Variants in RTN4IP1 observed in about 807,000 individuals in gnomAD.
RTN4IP1 encodes NAD(P)H oxidoreductase RTN4IP1, mitochondrial.
A neutral mutation model predicts 46.6 loss-of-function variants in RTN4IP1; 32 were observed. That is an observed-to-expected ratio of 0.69 (90% CI 0.52 to 0.92). The LOEUF (loss-of-function observed/expected upper bound fraction) is 0.92. RTN4IP1 is among the 40% of genes least tolerant of loss of function. The probability of loss-of-function intolerance (pLI) is 0.00; values close to 1 mark genes in which losing one functional copy is unlikely to be tolerated. For missense variants in RTN4IP1, 424 were observed against 485.8 expected (o/e 0.87, Z 1.20); for synonymous variants, 167 against 161.8 (o/e 1.03, Z -0.24).
chr6:106,581,104 A>T (rs1429331920), intron 8 of RTN4IP1, among the ~76,000 whole-genome samples: 1 of 152,192 alleles, frequency 6.6e-6, no homozygotes, highest in Non-Finnish European at 1.5e-5. Flanking sequence ...AATACCCAAG[A>T]AACTAGTAAT....
chr6:106,587,017 T>C (rs1011744049), intron 7 of RTN4IP1, among the ~76,000 whole-genome samples: 6 of 152,206 alleles, frequency 3.9e-5, no homozygotes, highest in Non-Finnish European at 8.8e-5. Context: ...ATGCCATTAA[T>C]AGCTGGAGTT....
chr6:106,606,580 T>C (rs959262637), intron 4 of RTN4IP1, among the ~76,000 whole-genome samples: 3 of 152,018 alleles, frequency 2.0e-5, no homozygotes, highest in Non-Finnish European at 2.9e-5. Context: ...AGGTGAAAGA[T>C]TTATATAATG....
In RTN4IP1 at chr6:106,619,269, C is replaced by A. The variant is rs777814672; in HGVS notation, c.553G>T (p.Ala185Ser). 1 of 1,614,126 alleles carries A rather than the reference C, an allele frequency of 6.2e-7. No individual in the cohort carries two copies. Among genetic ancestry groups the A allele is most frequent in the South Asian group, 1.1e-5 (1 of 91,068 alleles). ...HTQAASLPYV[A>S]LTAWSAINKV... Reference sequence around the variant, plus strand: ...TTTATAGCAGACCAGGCTGTGAGAGCCACATATGGCAAAGAGGCAGCTTGA... The same window carrying A: ...TTTATAGCAGACCAGGCTGTGAGAGACACATATGGCAAAGAGGCAGCTTGA... The change falls in exon 4 of 9, where the codon GCT becomes TCT. Residue 185 changes from alanine (A) to serine (S), a missense_variant. Physicochemically the swap from Ala to Ser is moderately conservative, Grantham distance 99. Transcript: ENST00000369063.
intron 4 of RTN4IP1, among the ~76,000 whole-genome samples, chr6:106,617,343 A>T (rs1203042045): frequency 6.6e-6 from 1 of 152,242 alleles, no homozygotes; most frequent in Non-Finnish European, 1.5e-5. Flanking sequence ...GACTCTTTGC[A>T]ATGGGTTTCA....
At chr6:106,614,369 T>C (rs190163242) in intron 4 of RTN4IP1, among the ~76,000 whole-genome samples, 45 of 152,278 alleles carry the variant, frequency 3.0e-4, no homozygotes, top group Middle Eastern at 3.4e-3. Context: ...GGGGTGGTAG[T>C]TGGTAAGTGT....
chr6:106,572,856 G>A (rs1775110791), intron 8 of RTN4IP1, among the ~76,000 whole-genome samples: 1 of 152,156 alleles, frequency 6.6e-6, no homozygotes, highest in African/African-American at 2.4e-5. Flanking sequence ...TTGTGGGATA[G>A]GGGACTAAGC....
At chr6:106,621,369 A>G (rs761056855) in intron 3 of RTN4IP1, 56 bp downstream of exon 3, 7 of 1,264,426 alleles carry the variant, frequency 5.5e-6, no homozygotes, top group Non-Finnish European at 7.0e-6. Context: ...TATTTCAGAT[A>G]TTTGCCAGTC....
chr6:106,630,008 A>T (rs928654050), upstream of RTN4IP1, among the ~76,000 whole-genome samples: 1 of 152,100 alleles, frequency 6.6e-6, no homozygotes, highest in Admixed American at 6.5e-5. Context: ...GCTTTGCCAA[A>T]GGGGGCTTGC....
intron 4 of RTN4IP1, among the ~76,000 whole-genome samples, chr6:106,616,138 C>T (rs191537793): frequency 5.9e-5 from 9 of 152,250 alleles, no homozygotes; most frequent in Admixed American, 3.3e-4. Context: ...AGGATAGTCT[C>T]GATCTCCTGA....
intron 4 of RTN4IP1, among the ~76,000 whole-genome samples, chr6:106,615,527 T>G (rs973738668): frequency 3.0e-4 from 46 of 152,106 alleles, no homozygotes; most frequent in Admixed American, 2.9e-3. Flanking sequence ...CAGGATGGAG[T>G]GCAGTGGCAT....
In RTN4IP1 at chr6:106,584,839, G is replaced by A. The variant is rs561501381; in HGVS notation, c.991-1419C>T. 3.3e-5 allele frequency among the ~76,000 whole-genome samples: 5 copies of A among 152,364 alleles called. No homozygotes were observed. In the East Asian group the frequency reaches 9.6e-4, roughly 29 times the overall value. On this transcript the variant is annotated intron_variant, in intron 7 of 8. Transcript: ENST00000369063. The stretch of plus-strand genomic sequence containing the variant: ...GCTTCCCACTGGGTGTGCCAGGATG[G>A]CTTACTGGGTGAGTGACCCTATAGA...
rs112595257 is a variant in RTN4IP1 at position 106,602,826 on chromosome 6, T to G, written c.669+48A>C. 7.0e-4 allele frequency: 914 copies of G among 1,299,082 alleles called. 7 individuals are homozygous for G. In the African/African-American group the frequency reaches 0.011, roughly 16 times the overall value. The allele number at this position is 1,299,082 out of a possible 1,614,324, so 80.5% of individuals were successfully genotyped here. On this transcript the variant is annotated intron_variant, in intron 5 of 8. Coordinates refer to ENST00000369063, the MANE Select transcript of RTN4IP1 (RefSeq NM_032730.5). ...AAATAATGTATCTTAATTTATAAAT[T>G]CATGCAAACAAAATCCTCCTATTCA...
chr6:106,584,913 A>G (rs1775448540), intron 7 of RTN4IP1, among the ~76,000 whole-genome samples: 1 of 152,270 alleles, frequency 6.6e-6, no homozygotes, highest in Non-Finnish European at 1.5e-5. Flanking sequence ...TTCATCATTA[A>G]TAATTACCCT....
At chr6:106,577,892 A>G (rs1775269385) in intron 8 of RTN4IP1, among the ~76,000 whole-genome samples, 3 of 152,186 alleles carry the variant, frequency 2.0e-5, no homozygotes, top group Non-Finnish European at 4.4e-5. Context: ...TGCTTCCAGG[A>G]GGAATGCAGC....
rs537019247 is a variant in RTN4IP1, at chr6:106,603,572, G to A, written c.621-650C>T. Among the ~76,000 whole-genome samples, 259 of 152,230 alleles carry A rather than the reference G, an allele frequency of 1.7e-3. 1 individual carries two copies. Among genetic ancestry groups the A allele is most frequent in the African/African-American group, 6.0e-3 (248 of 41,528 alleles). On this transcript the variant is annotated intron_variant, in intron 4 of 8. Coordinates refer to ENST00000369063, the MANE Select transcript of RTN4IP1 (RefSeq NM_032730.5). ...AGGGTGGGGCGGGACAAGGGTGAAGGGGTGAGGGGTAGGGTAAGGGATTAT... is the reference window on the plus strand; with the variant it reads ...AGGGTGGGGCGGGACAAGGGTGAAGAGGTGAGGGGTAGGGTAAGGGATTAT...
intron 4 of RTN4IP1, among the ~76,000 whole-genome samples, chr6:106,614,387 C>G (rs1234931826): frequency 6.6e-6 from 1 of 152,124 alleles, no homozygotes; most frequent in Non-Finnish European, 1.5e-5. Flanking sequence ...TGTTGTTTTG[C>G]TCAAGTTGAG....
upstream of RTN4IP1, chr6:106,629,739 G>A: frequency 1.3e-6 from 2 of 1,592,236 alleles, no homozygotes; most frequent in Non-Finnish European, 1.7e-6. Flanking sequence ...GCCCCCGGGA[G>A]GGCGGAAAGT....
At position 106,587,793 on chromosome 6, in the gene RTN4IP1, C is replaced by T; in HGVS notation, c.876G>A (p.Trp292Ter). 6.2e-7 allele frequency: 1 copy of T among 1,613,956 alleles called. No homozygotes were observed. Among genetic ancestry groups the T allele is most frequent in the Non-Finnish European group, 8.5e-7 (1 of 1,179,970 alleles). Residue 292 changes from tryptophan (W) to a stop codon, truncating the protein, a stop_gained, in exon 7 of 9, where the codon TGG (tryptophan) becomes TGA (stop). Coordinates refer to ENST00000369063, the MANE Select transcript of RTN4IP1 (RefSeq NM_032730.5). LOFTEE classifies it high-confidence loss of function. Reference sequence around the variant, plus strand: ...CCAAAGTCACATAGGTGGCTCCTGACCATTTCTTGAGAAAATCTGGAGCCC... The same window carrying T: ...CCAAAGTCACATAGGTGGCTCCTGATCATTTCTTGAGAAAATCTGGAGCCC... Reference protein sequence around the residue: ...ETWAPDFLKKWSGATYVTLVT... With the variant: ...ETWAPDFLKK
At chr6:106,626,283 C>G (rs1776640691) in intron 1 of RTN4IP1, among the ~76,000 whole-genome samples, 1 of 152,018 alleles carries the variant, frequency 6.6e-6, no homozygotes. Flanking sequence ...AAAATCTAAG[C>G]TGATGGCCAT....
Sources: gnomAD v4.1 joint callset for allele counts (sites outside exome capture counted in the v4.1 genomes callset) on GRCh38, gnomAD v4.1.1 for gene constraint, MANE v1.5 for transcripts, NCBI Gene and HGNC (gene_info 2026-07-23, HGNC 2026-07-21) for gene names.